Variants in AQP9 observed in about 807,000 individuals in gnomAD.
AQP9 encodes the protein aquaporin 9.
Under a neutral mutation model 23.8 loss-of-function variants are expected in AQP9, and 19 were observed. The ratio of observed to expected loss-of-function variants is 0.80; its 90% CI spans 0.56 to 1.17. AQP9 has a LOEUF of 1.17. AQP9 is among the 50% of genes most tolerant of loss of function. AQP9 has a pLI of 0.00. For missense variants in AQP9, 413 were observed against 362.0 expected, an observed-to-expected ratio of 1.14 and a Z score of -1.14; for synonymous variants, 153 against 131.5, an observed-to-expected ratio of 1.16 and a Z score of -1.12.
intron 1 of AQP9, chr15:58,146,800 A>G (rs1346041295): frequency 6.6e-6 from 1 of 152,218 alleles, no homozygotes; most frequent in Non-Finnish European, 1.5e-5. Flanking sequence ...TGGCAAACTG[A>G]AAAGAGAAGC....
intron 1 of AQP9, among the ~76,000 whole-genome samples, chr15:58,157,249 C>A (rs1212914327): frequency 4.6e-5 from 7 of 152,182 alleles, no homozygotes; most frequent in African/African-American, 1.4e-4. Context: ...ACACAGAACT[C>A]ATGTTCTTGG....
chr15:58,175,018 G>A lies in AQP9; in HGVS notation c.477G>A (p.Ala159=), dbSNP rs140673133. The part of the protein sequence containing the change: ...ATYPAPYLSL[A]NAFADQVVAT... ...ACCCAGCTCCGTATCTATCTCTGGC[G>A]AACGCATTTGCAGATCAAGTAAGTG... The change falls in exon 4 of 6, where the codon GCG becomes GCA. Residue 159 remains alanine (A), a synonymous_variant. Coordinates refer to ENST00000219919, the MANE Select transcript of AQP9 (RefSeq NM_020980.5). 79 of 1,613,522 alleles carry A rather than the reference G, an allele frequency of 4.9e-5. No individual in the cohort carries two copies. The highest frequency in any genetic ancestry group is 2.9e-4 in the African/African-American group (22 of 74,934).
chr15:58,151,872 G>A (rs1236495841), intron 1 of AQP9: 1 of 151,922 alleles, frequency 6.6e-6, no homozygotes, highest in South Asian at 2.1e-4. Context: ...GGTATTATAC[G>A]GCTTACCCTT....
chr15:58,176,445 G>A (rs533934441), intron 4 of AQP9, among the ~76,000 whole-genome samples: 32 of 152,024 alleles, frequency 2.1e-4, no homozygotes, highest in Non-Finnish European at 2.1e-4. Context: ...TTGCACCCAG[G>A]AGTTGGAGGC....
chr15:58,170,264 T>G (rs1466488961), intron 2 of AQP9, among the ~76,000 whole-genome samples: 1 of 152,124 alleles, frequency 6.6e-6, no homozygotes, highest in Non-Finnish European at 1.5e-5. Context: ...TTTCTGAACC[T>G]TTCTGCCTCC....
intron 1 of AQP9, among the ~76,000 whole-genome samples, chr15:58,147,261 G>A (rs1047736552): frequency 6.6e-6 from 1 of 151,620 alleles, no homozygotes; most frequent in African/African-American, 2.4e-5. Context: ...CTTTAGTGAC[G>A]AATCCCATTG....
rs145744694 is a variant in AQP9 at position 58,165,049 on chromosome 15, C to A, written c.112-1624C>A. On this transcript the variant is annotated intron_variant, in intron 1 of 5. Coordinates refer to ENST00000219919, the MANE Select transcript of AQP9 (RefSeq NM_020980.5). Reference sequence around the variant, plus strand: ...TCTGAAATATTTCCTCATATGCTCTCTTTTCCTGCCCCTAAATAGTATGTA... The same window carrying A: ...TCTGAAATATTTCCTCATATGCTCTATTTTCCTGCCCCTAAATAGTATGTA... 7.9e-4 allele frequency among the ~76,000 whole-genome samples: 120 copies of A among 152,282 alleles called. 1 individual carries two copies. In the East Asian group the frequency reaches 0.016, roughly 20 times the overall value.
intron 2 of AQP9, among the ~76,000 whole-genome samples, chr15:58,170,585 A>G (rs1422187613): frequency 2.6e-5 from 4 of 151,844 alleles, no homozygotes; most frequent in African/African-American, 9.7e-5. Flanking sequence ...TTGTATTTTT[A>G]GTAGAGACAG....
At chr15:58,158,326 T>C (rs895923041) in intron 1 of AQP9, among the ~76,000 whole-genome samples, 1 of 152,188 alleles carries the variant, frequency 6.6e-6, no homozygotes, top group Non-Finnish European at 1.5e-5. Flanking sequence ...TTCGGGCCTC[T>C]GACTAAAACA....
chr15:58,174,859 C>G, intron 3 of AQP9, 59 bp from the exon 4 acceptor site: 1 of 1,442,306 alleles, frequency 6.9e-7, no homozygotes, highest in East Asian at 2.3e-5. Flanking sequence ...AGGCTTGGCA[C>G]AGGCCTCCTT....
chr15:58,169,513 G>A (rs189490395), intron 2 of AQP9, among the ~76,000 whole-genome samples: 1 of 152,278 alleles, frequency 6.6e-6, no homozygotes, highest in East Asian at 1.9e-4. Flanking sequence ...TGTGTGGGAG[G>A]TGACTTTCTC....
chr15:58,176,567 G>T (rs1172718098), intron 4 of AQP9, among the ~76,000 whole-genome samples: 3 of 151,114 alleles, frequency 2.0e-5, no homozygotes, highest in African/African-American at 7.3e-5. Flanking sequence ...GAAGCAGAGA[G>T]CATAGAAGAG....
At chr15:58,138,763 T>C in intron 1 of AQP9, 87 bp downstream of exon 1, 1 of 1,138,946 alleles carries the variant, frequency 8.8e-7, no homozygotes, top group Non-Finnish European at 1.3e-6. Flanking sequence ...TTTGGTTTGT[T>C]TTATTTAAGT....
chr15:58,166,669 C>G lies in AQP9; in HGVS notation c.112-4C>G, dbSNP rs1209619319. ...TTACCTGTTGAGTTTTCCTCTCATT[C>G]CAGGTCCTTGGATGTGGCTGTGTTG... On this transcript the variant is annotated splice_region_variant and splice_polypyrimidine_tract_variant and intron_variant, in intron 1 of 5. Transcript: ENST00000219919. 1 of 1,608,384 alleles carries G rather than the reference C, an allele frequency of 6.2e-7. No individual in the cohort carries two copies.
At chr15:58,175,136 A>G in intron 4 of AQP9, 100 bp downstream of exon 4, 4 of 1,141,016 alleles carry the variant, frequency 3.5e-6, no homozygotes, top group Non-Finnish European at 5.2e-6. Flanking sequence ...AGGAGAGATT[A>G]TATTTCCAAA....
At chr15:58,177,711 T>A (rs1711056) in intron 4 of AQP9, among the ~76,000 whole-genome samples, 72,068 of 152,018 alleles carry the variant, frequency 0.47, 17,943 homozygotes, top group Admixed American at 0.61. Flanking sequence ...TACTGTGAAG[T>A]TTTAATGAGA....
intron 1 of AQP9, among the ~76,000 whole-genome samples, chr15:58,143,928 T>G (rs1317375111): frequency 6.6e-6 from 1 of 152,240 alleles, no homozygotes; most frequent in Non-Finnish European, 1.5e-5. Flanking sequence ...CTCTCCAAAG[T>G]GATTTCAAAG....
At chr15:58,176,147 G>A (rs910690401) in intron 4 of AQP9, among the ~76,000 whole-genome samples, 1 of 152,102 alleles carries the variant, frequency 6.6e-6, no homozygotes, top group African/African-American at 2.4e-5. Context: ...TGAGAAAAAC[G>A]CATTGTAAGC....
chr15:58,141,731 TTG>T (rs1237412380), intron 1 of AQP9, among the ~76,000 whole-genome samples: 3 of 152,202 alleles, frequency 2.0e-5, no homozygotes, highest in African/African-American at 7.2e-5. Context: ...GTCACAGAGT[TTG>T]TCTCTCCATT....
Sources: allele counts gnomAD v4.1 joint callset (sites outside exome capture counted in the v4.1 genomes callset), GRCh38; gene constraint gnomAD v4.1.1; transcripts MANE v1.5; gene names NCBI Gene and HGNC (gene_info 2026-07-23, HGNC 2026-07-21).